GALNT13: variants seen among roughly 807,000 people sequenced by gnomAD.
GALNT13 encodes the protein polypeptide N-acetylgalactosaminyltransferase 13.
A neutral mutation model predicts 64.2 loss-of-function variants in GALNT13; 28 were observed. The observed-to-expected ratio is 0.44, with a 90% CI of 0.32 to 0.60. The LOEUF is 0.60. Ranked by LOEUF, GALNT13 falls within the 20% of genes least tolerant of loss-of-function variation. The pLI, the probability that GALNT13 is intolerant of heterozygous loss-of-function variation, is 0.05. For missense variants in GALNT13, 577 were observed against 669.8 expected, an observed-to-expected ratio of 0.86 and a Z score of 1.53; for synonymous variants, 214 against 224.6, an observed-to-expected ratio of 0.95 and a Z score of 0.42.
chr2:153,672,546 T>C, the GALNT13 span, among the ~76,000 whole-genome samples: 1 of 152,098 alleles, frequency 6.6e-6, no homozygotes. Context: ...GGGACACAGC[T>C]AAAGCAGTGT....
the GALNT13 span, among the ~76,000 whole-genome samples, chr2:153,251,853 C>G: frequency 6.6e-6 from 1 of 151,890 alleles, no homozygotes; most frequent in Non-Finnish European, 1.5e-5. Flanking sequence ...GCCACATTTT[C>G]TTAATCCAGT....
At chr2:153,955,068 G>T (rs988573955) in intron 3 of GALNT13, among the ~76,000 whole-genome samples, 3 of 152,054 alleles carry the variant, frequency 2.0e-5, no homozygotes, top group African/African-American at 7.2e-5. Flanking sequence ...TTTTAGACTA[G>T]CAATTTTGCA....
chr2:154,054,970 T>A (rs991397869), intron 3 of GALNT13, among the ~76,000 whole-genome samples: 6 of 137,214 alleles, frequency 4.4e-5, no homozygotes, highest in Admixed American at 4.2e-4. Context: ...GATATGGGAC[T>A]TTTTTTTTAG....
the GALNT13 span, among the ~76,000 whole-genome samples, chr2:153,763,813 G>A: frequency 3.3e-5 from 5 of 152,278 alleles, no homozygotes; most frequent in African/African-American, 1.2e-4. Context: ...GCAGGAAAAT[G>A]TGGGAAAGTT....
chr2:153,982,574 T>C (rs1420056482), intron 3 of GALNT13, among the ~76,000 whole-genome samples: 1 of 152,060 alleles, frequency 6.6e-6, no homozygotes, highest in Non-Finnish European at 1.5e-5. Context: ...CATCTGTCAG[T>C]GTAGATAGCT....
At chr2:153,124,223 C>T in the GALNT13 span, among the ~76,000 whole-genome samples, 1 of 152,130 alleles carries the variant, frequency 6.6e-6, no homozygotes, top group Non-Finnish European at 1.5e-5. Flanking sequence ...TCCATTTGAC[C>T]TTTGAAATAA....
chr2:154,033,597 T>G (rs1168917085), intron 3 of GALNT13, among the ~76,000 whole-genome samples: 1 of 152,002 alleles, frequency 6.6e-6, no homozygotes, highest in African/African-American at 2.4e-5. Context: ...GAAATGGAAA[T>G]TTAAAACAAA....
the GALNT13 span, among the ~76,000 whole-genome samples, chr2:153,803,147 C>T: frequency 6.6e-6 from 1 of 152,140 alleles, no homozygotes; most frequent in Non-Finnish European, 1.5e-5. Context: ...CCCCTCAGGA[C>T]CACAGTCTAT....
the GALNT13 span, among the ~76,000 whole-genome samples, chr2:153,364,806 C>G: frequency 1.3e-5 from 2 of 152,156 alleles, no homozygotes; most frequent in Admixed American, 6.5e-5. Flanking sequence ...AATGGCCATA[C>G]TGCCCAAAGT....
At chr2:153,983,075 G>T (rs183356957) in intron 3 of GALNT13, among the ~76,000 whole-genome samples, 2 of 151,872 alleles carry the variant, frequency 1.3e-5, no homozygotes, top group East Asian at 3.9e-4. Context: ...ACTAAAAAGC[G>T]ATATTGAAAT....
At chr2:153,202,963 A>G in the GALNT13 span, among the ~76,000 whole-genome samples, 1 of 152,158 alleles carries the variant, frequency 6.6e-6, no homozygotes, top group African/African-American at 2.4e-5. Context: ...TGTATGGATC[A>G]GTATTGATTT....
At chr2:153,570,697 C>T in the GALNT13 span, among the ~76,000 whole-genome samples, 1 of 152,076 alleles carries the variant, frequency 6.6e-6, no homozygotes, top group Non-Finnish European at 1.5e-5. Flanking sequence ...TCCCCAGCAC[C>T]ATTTATTAAA....
chr2:153,405,051 C>T, the GALNT13 span, among the ~76,000 whole-genome samples: 6 of 152,112 alleles, frequency 3.9e-5, no homozygotes, highest in Non-Finnish European at 8.8e-5. Flanking sequence ...GGTGTCCTTC[C>T]TTTTAAATGC....
chr2:154,009,850 G>T (rs1369682162), intron 3 of GALNT13, among the ~76,000 whole-genome samples: 1 of 152,124 alleles, frequency 6.6e-6, no homozygotes, highest in Non-Finnish European at 1.5e-5. Flanking sequence ...GCAGGGTTTT[G>T]TAACGCTTGT....
At chr2:153,987,102 A>G (rs899738917) in intron 3 of GALNT13, among the ~76,000 whole-genome samples, 1 of 151,898 alleles carries the variant, frequency 6.6e-6, no homozygotes, top group African/African-American at 2.4e-5. Flanking sequence ...GTTGATATCC[A>G]TTTATACACA....
intron 4 of GALNT13, among the ~76,000 whole-genome samples, chr2:154,164,274 A>G (rs1469558322): frequency 1.3e-5 from 2 of 152,158 alleles, no homozygotes; most frequent in Admixed American, 6.5e-5. Context: ...AAATTACCAT[A>G]TAGATGATCA....
intron 3 of GALNT13, among the ~76,000 whole-genome samples, chr2:154,042,695 C>CATATATATATATAT (rs70981696): frequency 6.5e-5 from 7 of 107,926 alleles, no homozygotes; most frequent in African/African-American, 1.8e-4. Flanking sequence ...TATCATTATG[C>CATATATATATATAT]ATATATATAT....
At chr2:154,165,408 A>T (rs1684970259) in intron 4 of GALNT13, among the ~76,000 whole-genome samples, 1 of 152,040 alleles carries the variant, frequency 6.6e-6, no homozygotes, top group Admixed American at 6.6e-5. Context: ...CACCATTTTC[A>T]GAGATTGGTA....
At chr2:153,807,939 T>A in the GALNT13 span, among the ~76,000 whole-genome samples, 1 of 152,146 alleles carries the variant, frequency 6.6e-6, no homozygotes, top group Non-Finnish European at 1.5e-5. Context: ...AATTTTCATA[T>A]GATTTTGATA....
Sources: allele counts gnomAD v4.1 joint callset (sites outside exome capture counted in the v4.1 genomes callset), GRCh38; gene constraint gnomAD v4.1.1; transcripts MANE v1.5; gene names NCBI Gene and HGNC (gene_info 2026-07-23, HGNC 2026-07-21).